ACACA: variants seen among roughly 807,000 people sequenced by gnomAD.
ACACA encodes acetyl-CoA carboxylase alpha, also known as acetyl-CoA carboxylase 1.
A neutral mutation model predicts 296.1 loss-of-function variants in ACACA; 103 were observed. The observed-to-expected ratio is 0.35, with a 90% CI of 0.30 to 0.41. The LOEUF (loss-of-function observed/expected upper bound fraction) is 0.41, where lower values mean the gene tolerates loss of function less well. Ranked by LOEUF, ACACA falls within the 10% of genes least tolerant of loss-of-function variation. The probability of loss-of-function intolerance (pLI) is 1.00; values close to 1 mark genes in which losing one functional copy is unlikely to be tolerated. For synonymous variants in ACACA, 953 were observed against 1,038.6 expected, an observed-to-expected ratio of 0.92 and a Z score of 1.58; for missense variants, 1,554 against 2,989.7, an observed-to-expected ratio of 0.52 and a Z score of 11.20.
intron 1 of ACACA, among the ~76,000 whole-genome samples, chr17:37,381,871 C>CAT (rs1454053104): frequency 3.3e-5 from 5 of 152,078 alleles, no homozygotes; most frequent in Non-Finnish European, 7.3e-5. Context: ...TTGTGATCTG[C>CAT]CCGCCTTGGC....
At chr17:37,177,282 G>A (rs1273758329) in intron 41 of ACACA, among the ~76,000 whole-genome samples, 1 of 151,566 alleles carries the variant, frequency 6.6e-6, no homozygotes, top group Admixed American at 6.6e-5. Context: ...GTGTGTGTGT[G>A]TGTGTGTGTG....
chr17:37,313,569 A>G (rs1957912317), intron 3 of ACACA, among the ~76,000 whole-genome samples: 1 of 152,218 alleles, frequency 6.6e-6, no homozygotes, highest in Non-Finnish European at 1.5e-5. Flanking sequence ...AGCTATATGA[A>G]AAGGCGCTTA....
At chr17:37,101,721 A>T (rs1280399500) in intron 52 of ACACA, among the ~76,000 whole-genome samples, 5 of 152,192 alleles carry the variant, frequency 3.3e-5, no homozygotes, top group Non-Finnish European at 7.3e-5. Flanking sequence ...TCCATAACTA[A>T]GACCAGGACA....
intron 29 of ACACA, among the ~76,000 whole-genome samples, chr17:37,211,913 T>C (rs1261868477): frequency 6.6e-6 from 1 of 152,170 alleles, no homozygotes; most frequent in Non-Finnish European, 1.5e-5. Context: ...GTGGGTTTTA[T>C]TTTTACAAGA....
chr17:37,308,494 G>T (rs149016234), intron 3 of ACACA, among the ~76,000 whole-genome samples: 1 of 152,094 alleles, frequency 6.6e-6, no homozygotes, highest in African/African-American at 2.4e-5. Flanking sequence ...TGAAAAACAA[G>T]CATATTATTA....
In ACACA at chr17:37,297,546, T is replaced by C. The variant is rs538233128; in HGVS notation, c.339-12576A>G. 7.2e-3 allele frequency among the ~76,000 whole-genome samples: 1,075 copies of C among 150,196 alleles called. 11 individuals are homozygous for C. Among genetic ancestry groups the C allele is most frequent in the African/African-American group, 0.023 (947 of 40,490 alleles). On this transcript the variant is annotated intron_variant, in intron 3 of 55. Coordinates refer to ENST00000616317, the MANE Select transcript of ACACA (RefSeq NM_198834.3). Reference sequence around the variant, plus strand: ...ATATGTGTGTGTATATATATATATATACACTTTTTTTTTGAGATGGAGTTT... The same window carrying C: ...ATATGTGTGTGTATATATATATATACACACTTTTTTTTTGAGATGGAGTTT...
intron 52 of ACACA, among the ~76,000 whole-genome samples, chr17:37,099,560 A>AGGAGGGCTGATGGCG (rs1305352472): frequency 2.3e-5 from 2 of 86,972 alleles, no homozygotes; most frequent in African/African-American, 1.2e-4. Context: ...GGCTGATGGC[A>AGGAGGGCTGATGGCG]GGAGGGCTGA....
rs1567899332 is a variant in ACACA, at chr17:37,260,281, TA to T, written c.1330-752del. Among the ~76,000 whole-genome samples, 149 of 36,220 alleles carry T rather than the reference TA, an allele frequency of 4.1e-3. 4 individuals are homozygous for T. Among genetic ancestry groups the T allele is most frequent in the South Asian group, 0.011 (8 of 746 alleles). The allele number at this position is 36,220 out of a possible 152,430, so 23.8% of individuals were successfully genotyped here. The stretch of plus-strand genomic sequence containing the variant: ...ATATATATATATATATATATATATA[TA>T]TATATATATATATATTTTTTTTTTT... On this transcript the variant is annotated intron_variant, in intron 11 of 55. Transcript: ENST00000616317.
intron 16 of ACACA, among the ~76,000 whole-genome samples, chr17:37,249,443 T>C (rs2080875158): frequency 6.6e-6 from 1 of 152,202 alleles, no homozygotes; most frequent in African/African-American, 2.4e-5. Context: ...CATTTTTCAA[T>C]AGTGGCTGCA....
At chr17:37,283,491 T>C (rs1208486270) in intron 4 of ACACA, 86 bp from the exon 5 acceptor site, 5 of 1,466,330 alleles carry the variant, frequency 3.4e-6, no homozygotes, top group African/African-American at 1.4e-5. Flanking sequence ...TTTTTACATA[T>C]CTATCTTTCT....
chr17:37,227,653 G>A (rs773033517), intron 25 of ACACA, among the ~76,000 whole-genome samples: 27 of 152,122 alleles, frequency 1.8e-4, no homozygotes, highest in Non-Finnish European at 2.9e-5. Flanking sequence ...CGGATCACGA[G>A]GTCGAGACCA....
intron 13 of ACACA, 112 bp downstream of exon 13, chr17:37,258,100 T>C (rs1026924296): frequency 3.0e-6 from 4 of 1,336,080 alleles, no homozygotes; most frequent in Non-Finnish European, 4.2e-6. Flanking sequence ...GAAACCTCTA[T>C]GTTTCCCACT....
intron 5 of ACACA, among the ~76,000 whole-genome samples, chr17:37,282,928 T>C (rs577256184): frequency 6.6e-6 from 1 of 152,330 alleles, no homozygotes; most frequent in South Asian, 2.1e-4. Context: ...AAAAACAGCA[T>C]TTCCTTCTAA....
intron 1 of ACACA, chr17:37,379,162 A>G (rs769922289): frequency 3.1e-6 from 5 of 1,613,918 alleles, no homozygotes; most frequent in Non-Finnish European, 4.2e-6. Flanking sequence ...CCAAAAGGAC[A>G]ACATTCATTC....
chr17:37,259,110 A>G (rs917654828), intron 12 of ACACA, among the ~76,000 whole-genome samples: 16 of 152,264 alleles, frequency 1.1e-4, no homozygotes, highest in Non-Finnish European at 2.4e-4. Flanking sequence ...AGCATACATT[A>G]TTAACATTTA....
intron 45 of ACACA, among the ~76,000 whole-genome samples, chr17:37,142,708 C>A (rs1597954249): frequency 6.6e-6 from 1 of 152,162 alleles, no homozygotes; most frequent in African/African-American, 2.4e-5. Flanking sequence ...CTTGGGGACT[C>A]TTGTAGACAG....
rs58654829 is a variant in ACACA at position 37,339,844 on chromosome 17, A to G, written c.45T>C (p.Phe15=). 373,341 of 1,324,472 alleles carry G rather than the reference A, an allele frequency of 0.28. 65,415 individuals are homozygous for G. Among genetic ancestry groups the G allele is most frequent in the African/African-American group, 0.69 (49,607 of 72,216 alleles). 82.0% of individuals were successfully genotyped at this position (1,324,472 alleles called of 1,614,324 possible). Reference sequence around the variant, plus strand: ...CTGTCTGAGTAGATATCCACTTCCAAAAAGACCTAGAGAGAAAGAGAAAGA... The same window carrying G: ...CTGTCTGAGTAGATATCCACTTCCAGAAAGACCTAGAGAGAAAGAGAAAGA... ...TLMSILRARS[F]WKWISTQTVR... is the part of the protein sequence containing the mutation. Residue 15 remains phenylalanine (F), a synonymous_variant, in exon 2 of 56, where the codon TTT becomes TTC. Transcript: ENST00000616317.
At chr17:37,234,944 G>T in intron 25 of ACACA, 31 bp downstream of exon 25, 2 of 1,613,200 alleles carry the variant, frequency 1.2e-6, no homozygotes, top group Non-Finnish European at 1.7e-6. Context: ...ATCATTGACG[G>T]TCTTTACAAG....
chr17:37,188,264 T>G lies in ACACA; in HGVS notation c.4776+13A>C, dbSNP rs757383813. The G allele has an allele frequency of 5.6e-6, 9 of 1,612,728 alleles. No homozygotes were observed. In the African/African-American group the frequency reaches 1.1e-4, roughly 19 times the overall value. ...CAAATCAAAACTCTGAGGAGCCTGTTTGAGTATTGTACCTGTGCTGTCCTG... is the reference window on the plus strand; with the variant it reads ...CAAATCAAAACTCTGAGGAGCCTGTGTGAGTATTGTACCTGTGCTGTCCTG... On this transcript the variant is annotated intron_variant, in intron 39 of 55. Coordinates refer to ENST00000616317, the MANE Select transcript of ACACA (RefSeq NM_198834.3).
Sources: allele counts gnomAD v4.1 joint callset (sites outside exome capture counted in the v4.1 genomes callset), GRCh38; gene constraint gnomAD v4.1.1; transcripts MANE v1.5; gene names NCBI Gene and HGNC (gene_info 2026-07-23, HGNC 2026-07-21).